Variants in C2CD2 observed in about 807,000 individuals in gnomAD.
The protein encoded by C2CD2 is C2 calcium dependent domain containing 2, also known as C2 domain-containing protein 2.
A neutral mutation model predicts 74.3 loss-of-function variants in C2CD2; 43 were observed. The observed-to-expected ratio is 0.58, with a 90% CI of 0.45 to 0.75. C2CD2 has a LOEUF of 0.75. Among genes scored for constraint, C2CD2 ranks in the 30% least tolerant of loss-of-function variants. C2CD2 has a pLI of 0.00. For synonymous variants in C2CD2, 422 were observed against 390.7 expected (o/e 1.08, Z -0.94); for missense variants, 801 against 916.3 (o/e 0.87, Z 1.63).
At chr21:41,947,102 C>T (rs559521558) in intron 1 of C2CD2, among the ~76,000 whole-genome samples, 137 of 149,948 alleles carry the variant, frequency 9.1e-4, no homozygotes, top group African/African-American at 3.1e-3. Context: ...TTCTTTCTTT[C>T]CTTTCTCTTT....
In C2CD2 at chr21:41,953,632, A is replaced by T. The variant is rs1213548848; in HGVS notation, c.17T>A (p.Leu6Gln). ...CTGCGCCTCCCCGAGCCACGAGCCC[A>T]GCCGGGCCATGGCCATGGCGCATCC... Reference protein sequence around the residue: MAMARLGSWLGEAQWL... With the variant: MAMARQGSWLGEAQWL... The change falls in exon 1 of 14, where the codon CTG becomes CAG. Residue 6 changes from leucine (L) to glutamine (Q), a missense_variant. Coordinates refer to ENST00000380486, the MANE Select transcript of C2CD2 (RefSeq NM_015500.2). 2.7e-6 allele frequency: 4 copies of T among 1,487,514 alleles called. No individual in the cohort carries two copies. Among genetic ancestry groups the T allele is most frequent in the Non-Finnish European group, 3.5e-6 (4 of 1,128,078 alleles). The allele number at this position is 1,487,514 out of a possible 1,614,324, so 92.1% of individuals were successfully genotyped here.
intron 2 of C2CD2, 32 bp downstream of exon 2, chr21:41,942,113 CCT>C: frequency 6.5e-7 from 1 of 1,546,866 alleles, no homozygotes; most frequent in Non-Finnish European, 8.7e-7. Context: ...ATCAAGTTCA[CCT>C]CTTCCTGCAG....
At chr21:41,936,938 C>A (rs188504514) in intron 2 of C2CD2, among the ~76,000 whole-genome samples, 5 of 151,054 alleles carry the variant, frequency 3.3e-5, no homozygotes, top group East Asian at 3.9e-4. Flanking sequence ...CCTGCCTCAG[C>A]CTCCTAAGTA....
intron 3 of C2CD2, 144 bp downstream of exon 3, chr21:41,921,828 A>C: frequency 1.6e-6 from 1 of 618,060 alleles, no homozygotes; most frequent in Non-Finnish European, 2.9e-6. Flanking sequence ...TCCTATATGA[A>C]AGGTTACAGT....
At chr21:41,909,237 AAAAC>A (rs1034642135) in intron 8 of C2CD2, among the ~76,000 whole-genome samples, 4 of 152,242 alleles carry the variant, frequency 2.6e-5, no homozygotes, top group Non-Finnish European at 4.4e-5. Context: ...TTTTTTTAAA[AAAAC>A]AAACAAAAAA....
In C2CD2 at chr21:41,903,225, G is replaced by A. The variant is rs181240547; in HGVS notation, c.1433-1476C>T. 6.6e-6 allele frequency among the ~76,000 whole-genome samples: 1 copy of A among 152,236 alleles called. No homozygotes were observed. Among genetic ancestry groups the A allele is most frequent in the East Asian group, 1.9e-4 (1 of 5,178 alleles). ...TGTGCATTTGTGTGATAATAAACTG[G>A]TAAACCCAAGTAAAGTGTTTCTCTG... On this transcript the variant is annotated intron_variant, in intron 11 of 13. Transcript: ENST00000380486. The surrounding 1 kb of genome is among the most constrained non-coding windows in gnomAD (Gnocchi z 4.5).
intron 8 of C2CD2, 111 bp from the exon 9 acceptor site, chr21:41,907,895 G>T: frequency 1.8e-6 from 2 of 1,103,210 alleles, no homozygotes; most frequent in Non-Finnish European, 2.7e-6. Flanking sequence ...CGTGCATCCA[G>T]CCCACGGGGA....
chr21:41,947,137 T>TCTCCCTCC (rs1555906771), intron 1 of C2CD2, among the ~76,000 whole-genome samples: 39 of 25,596 alleles, frequency 1.5e-3, no homozygotes, highest in African/African-American at 3.0e-3. Flanking sequence ...TCTCTCTCTC[T>TCTCCCTCC]CTCCCTCCCT....
In C2CD2 at chr21:41,899,063, T is replaced by C; in HGVS notation, c.1860A>G (p.Lys620=). Residue 620 remains lysine, a synonymous_variant, in exon 13 of 14, where the codon AAA becomes AAG. Transcript: ENST00000380486. The surrounding 1 kb of genome is among the most constrained non-coding windows in gnomAD (Gnocchi z 4.4). ...SMSVLEPGTA[K]KHKGGILRKG... Reference sequence around the variant, plus strand: ...CTCGGGAGCAGGTACCTTTATGCTTTTTGGCAGTGCCCGGCTCCAAGACAC... The same window carrying C: ...CTCGGGAGCAGGTACCTTTATGCTTCTTGGCAGTGCCCGGCTCCAAGACAC... The C allele has an allele frequency of 6.2e-7, 1 of 1,613,466 alleles. No individual in the cohort carries two copies. The highest frequency in any genetic ancestry group is 1.3e-5 in the African/African-American group (1 of 75,002).
At chr21:41,902,410 C>G (rs925539298) in intron 11 of C2CD2, among the ~76,000 whole-genome samples, 9 of 152,162 alleles carry the variant, frequency 5.9e-5, no homozygotes, top group African/African-American at 2.2e-4. Context: ...AGAGACAGAG[C>G]TCTGTGCACA....
chr21:41,915,682 C>T (rs9798669), intron 5 of C2CD2, among the ~76,000 whole-genome samples: 4,335 of 152,296 alleles, frequency 0.028, 127 homozygotes, highest in South Asian at 0.12. Context: ...TCAGGTGATC[C>T]GCACGCCTCA....
intron 2 of C2CD2, among the ~76,000 whole-genome samples, chr21:41,932,701 G>A (rs2065273118): frequency 6.6e-6 from 1 of 150,682 alleles, no homozygotes; most frequent in Non-Finnish European, 1.5e-5. Flanking sequence ...CGCAGCCGCG[G>A]CTGGGCCGGG....
chr21:41,918,940 C>G lies in C2CD2; in HGVS notation c.513G>C (p.Glu171Asp). 1 of 1,613,924 alleles carries G rather than the reference C, an allele frequency of 6.2e-7. No homozygotes were observed. Among genetic ancestry groups the G allele is most frequent in the Non-Finnish European group, 8.5e-7 (1 of 1,179,730 alleles). ...AGCTAATCTGGAGGTCCTCTCTCTT[C>G]TCCTTCATGTGGAACTCCAGCTATT... is the stretch of plus-strand genomic sequence containing the variant. ...FHLQLEFHMK[E>D]KREDLQISWS... The change falls in exon 4 of 14, where the codon GAG (glutamate) becomes GAC (aspartate). Residue 171 changes from glutamate to aspartate, a missense_variant. Glu to Asp is a conservative substitution (Grantham distance 45, BLOSUM62 2). Transcript: ENST00000380486.
chr21:41,919,068 G>C, intron 3 of C2CD2, 108 bp from the exon 4 acceptor site: 2 of 776,324 alleles, frequency 2.6e-6, no homozygotes, highest in Non-Finnish European at 4.5e-6. Context: ...ATATGCATGT[G>C]AGCATGTGTC....
Position 41,912,358 on chromosome 21 carries a change from G to T in C2CD2, c.927C>A (p.Asp309Glu). The stretch of plus-strand genomic sequence containing the variant: ...AGGTGAATTCCTCTTCCCACATGAG[G>T]TCCGGAGTGTTTTTCGTCAGGGTGC... ...FSSTLTKNTP[D>E]LMWEEEFTFE... Residue 309 changes from aspartate (D) to glutamate (E), a missense_variant, in exon 7 of 14, where the codon GAC becomes GAA. Physicochemically the swap from Asp to Glu is conservative, Grantham distance 45 (BLOSUM62 2). Coordinates refer to ENST00000380486, the MANE Select transcript of C2CD2 (RefSeq NM_015500.2). The T allele has an allele frequency of 6.2e-7, 1 of 1,611,804 alleles. No homozygotes were observed.
intron 2 of C2CD2, among the ~76,000 whole-genome samples, chr21:41,933,711 T>C (rs983143565): frequency 6.6e-6 from 1 of 152,170 alleles, no homozygotes; most frequent in Non-Finnish European, 1.5e-5. Flanking sequence ...CTTGTGGGTA[T>C]GCATAGGATC....
At position 41,892,437 on chromosome 21, in the gene C2CD2, G is replaced by A. The variant is rs1169143071; in HGVS notation, c.1871-3093C>T. 2.0e-5 allele frequency among the ~76,000 whole-genome samples: 3 copies of A among 152,158 alleles called. No individual in the cohort carries two copies. Among genetic ancestry groups the A allele is most frequent in the Non-Finnish European group, 4.4e-5 (3 of 68,020 alleles). On this transcript the variant is annotated intron_variant, in intron 13 of 13. Coordinates refer to ENST00000380486, the MANE Select transcript of C2CD2 (RefSeq NM_015500.2). The surrounding 1 kb of genome is among the most constrained non-coding windows in gnomAD (Gnocchi z 4.6). The stretch of plus-strand genomic sequence containing the variant: ...GTGGTACTTTGATACAGCCCTGGGA[G>A]GGGAGGGGGCGCATTTGGCTTAAGG...
rs954246725 is a variant in C2CD2, at chr21:41,899,103, G to A, written c.1820C>T (p.Ser607Leu). ...VLLDPDGDELSESSMSVLEPG... is the reference protein window; with the variant it reads ...VLLDPDGDELLESSMSVLEPG... ...CTCCAAGACACTCATGGAGCTCTCT[G>A]ACAGCTCATCACCGTCGGGGTCCAG... Residue 607 changes from serine to leucine, a missense_variant, in exon 13 of 14, where the codon TCA becomes TTA. Transcript: ENST00000380486. The surrounding 1 kb of genome is among the most constrained non-coding windows in gnomAD (Gnocchi z 4.4). 3.7e-6 allele frequency: 6 copies of A among 1,613,910 alleles called. No homozygotes were observed. In the Admixed American group the frequency reaches 6.7e-5, roughly 18 times the overall value.
intron 12 of C2CD2, 99 bp downstream of exon 12, chr21:41,901,523 G>A (rs753879077): frequency 1.0e-5 from 13 of 1,250,622 alleles, no homozygotes; most frequent in East Asian, 2.3e-5. Flanking sequence ...CTCTCTGGAC[G>A]TTAACCAAGT....
Sources: gnomAD v4.1 joint callset for allele counts (sites outside exome capture counted in the v4.1 genomes callset) on GRCh38, gnomAD v4.1.1 for gene constraint, Gnocchi (gnomAD v3.1) non-coding constraint, MANE v1.5 for transcripts, NCBI Gene and HGNC (gene_info 2026-07-23, HGNC 2026-07-21) for gene names.